The following RORB variants were observed in gnomAD, a reference collection of about 807,000 sequenced individuals.
RORB encodes the protein nuclear receptor ROR-beta.
A neutral mutation model predicts 59.1 loss-of-function variants in RORB; 6 were observed. That is an observed-to-expected ratio of 0.10 (90% CI 0.06 to 0.20). The LOEUF (loss-of-function observed/expected upper bound fraction) is 0.20. Ranked by LOEUF, RORB falls within the 10% of genes least tolerant of loss-of-function variation. The pLI is 1.00. For missense variants in RORB, 320 were observed against 560.5 expected (o/e 0.57, Z 4.33); for synonymous variants, 215 against 204.5 (o/e 1.05, Z -0.44).
chr9:74,645,569 T>C (rs1823882303), intron 4 of RORB, among the ~76,000 whole-genome samples: 1 of 152,180 alleles, frequency 6.6e-6, no homozygotes, highest in Admixed American at 6.5e-5. Flanking sequence ...ACAGTACCTA[T>C]CATATGTAAG....
chr9:74,503,920 C>T (rs779052946), intron 1 of RORB, among the ~76,000 whole-genome samples: 3 of 152,138 alleles, frequency 2.0e-5, no homozygotes, highest in Admixed American at 6.5e-5. Flanking sequence ...AGGGAAACCA[C>T]AGGTGTTATA....
intron 4 of RORB, among the ~76,000 whole-genome samples, chr9:74,657,211 AATTTATTTATTT>A (rs575383495): frequency 2.6e-5 from 4 of 151,794 alleles, no homozygotes; most frequent in Non-Finnish European, 5.9e-5. Flanking sequence ...ATGCCCAGCT[AATTTATTTATTT>A]ATTTATTTAT....
At chr9:74,574,555 A>C (rs966985443) in intron 1 of RORB, among the ~76,000 whole-genome samples, 1 of 152,110 alleles carries the variant, frequency 6.6e-6, no homozygotes, top group Non-Finnish European at 1.5e-5. Context: ...AAACATGGCT[A>C]TTTGTGTGTC....
At chr9:74,608,939 C>A (rs1262930139) in intron 1 of RORB, among the ~76,000 whole-genome samples, 5 of 152,164 alleles carry the variant, frequency 3.3e-5, no homozygotes, top group African/African-American at 4.8e-5. Flanking sequence ...TTTGCCAATA[C>A]AGATTTGACA....
Position 74,630,286 on chromosome 9 carries a change from A to T in RORB, c.12A>T (p.Gln4His). 6.2e-7 allele frequency: 1 copy of T among 1,613,256 alleles called. No individual in the cohort carries two copies. The highest frequency in any genetic ancestry group is 1.1e-5 in the South Asian group (1 of 90,992). ...ATGTCTGTTTTCTCCTTTCAGCACA[A>T]ATTGAAGTGATACCATGCAAAATTT... MRA[Q>H]IEVIPCKICG... is the part of the protein sequence containing the mutation. Residue 4 changes from glutamine (Q) to histidine (H), a missense_variant, in exon 2 of 10, where the codon CAA (glutamine) becomes CAT (histidine). Physicochemically the swap from Gln to His is conservative, Grantham distance 24. Transcript: ENST00000376896.
At chr9:74,572,408 G>A (rs1430050540) in intron 1 of RORB, among the ~76,000 whole-genome samples, 1 of 152,162 alleles carries the variant, frequency 6.6e-6, no homozygotes, top group East Asian at 1.9e-4. Flanking sequence ...TTAGATGACT[G>A]AGGAAATCTG....
intron 1 of RORB, among the ~76,000 whole-genome samples, chr9:74,514,449 A>G (rs1384574160): frequency 1.3e-5 from 2 of 151,970 alleles, no homozygotes; most frequent in Non-Finnish European, 2.9e-5. Context: ...TGTTCCAATA[A>G]AACTTTATTT....
chr9:74,560,254 C>T (rs997467425), intron 1 of RORB, among the ~76,000 whole-genome samples: 2 of 152,112 alleles, frequency 1.3e-5, no homozygotes, highest in East Asian at 1.9e-4. Flanking sequence ...TTGCAAGTCA[C>T]GACTTGAAAT....
chr9:74,687,260 C>T lies in RORB; in HGVS notation c.*1642C>T, dbSNP rs1220253513. On this transcript the variant is annotated 3_prime_UTR_variant, in exon 10 of 10. Coordinates refer to ENST00000376896, the MANE Select transcript of RORB (RefSeq NM_006914.4). ...TGGTCTCCTGTAAGTATATCCCAGC[C>T]ACCAACTCCTAAAGAACTGCCCTTT... The T allele has an allele frequency of 1.3e-5, 2 of 151,944 alleles. No individual in the cohort carries two copies. The highest frequency in any genetic ancestry group is 1.5e-5 in the Non-Finnish European group (1 of 67,952). 9.4% of individuals were successfully genotyped at this position (151,944 alleles called of 1,614,324 possible). A position where few individuals can be genotyped will look rare whatever the true frequency, so the allele number is the denominator to read the frequency against.
intron 1 of RORB, among the ~76,000 whole-genome samples, chr9:74,520,163 C>T (rs1461305090): frequency 1.3e-5 from 2 of 151,824 alleles, no homozygotes; most frequent in Admixed American, 1.3e-4. Flanking sequence ...AAAAAATCAG[C>T]GGCTTAACCA....
At chr9:74,514,742 C>A (rs1332601427) in intron 1 of RORB, among the ~76,000 whole-genome samples, 3 of 150,352 alleles carry the variant, frequency 2.0e-5, no homozygotes, top group Non-Finnish European at 3.0e-5. Context: ...TAAACCTCAT[C>A]GAACTTAGAT....
At chr9:74,591,955 A>T (rs927226179) in intron 1 of RORB, among the ~76,000 whole-genome samples, 6 of 152,136 alleles carry the variant, frequency 3.9e-5, no homozygotes, top group African/African-American at 1.4e-4. Flanking sequence ...AGAGAGAGAG[A>T]GACAGAGAGA....
chr9:74,599,744 G>A (rs1287541097), intron 1 of RORB, among the ~76,000 whole-genome samples: 1 of 152,156 alleles, frequency 6.6e-6, no homozygotes, highest in African/African-American at 2.4e-5. Flanking sequence ...GTCGTGGCAG[G>A]GCCAGAACTC....
At chr9:74,586,342 A>G (rs1490413367) in intron 1 of RORB, among the ~76,000 whole-genome samples, 2 of 151,954 alleles carry the variant, frequency 1.3e-5, no homozygotes, top group Non-Finnish European at 1.5e-5. Context: ...TACAAAATAT[A>G]CAAAAATTAG....
At chr9:74,572,018 T>G (rs777119351) in intron 1 of RORB, among the ~76,000 whole-genome samples, 1 of 152,114 alleles carries the variant, frequency 6.6e-6, no homozygotes, top group Non-Finnish European at 1.5e-5. Flanking sequence ...ACTTTCTTTC[T>G]CTACCTGGGG....
At chr9:74,631,932 A>G (rs931255912) in intron 2 of RORB, among the ~76,000 whole-genome samples, 5 of 152,228 alleles carry the variant, frequency 3.3e-5, no homozygotes, top group African/African-American at 1.2e-4. Context: ...CTTCATAAAC[A>G]GTAATAGTTT....
At chr9:74,661,789 CG>C (rs1195946027) in intron 5 of RORB, among the ~76,000 whole-genome samples, 2 of 135,466 alleles carry the variant, frequency 1.5e-5, no homozygotes, top group African/African-American at 6.5e-5. Flanking sequence ...GGACTACAGG[CG>C]CCCCCCCACC....
At position 74,560,101 on chromosome 9, in the gene RORB, G is replaced by A. The variant is rs965897; in HGVS notation, c.7+62118G>A. ...GAATTGGAGCATTTGTTTCCTCTAC[G>A]GTTTACCCATTTCTATTCACTATTC... On this transcript the variant is annotated intron_variant, in intron 1 of 9. Coordinates refer to ENST00000376896, the MANE Select transcript of RORB (RefSeq NM_006914.4). Among the ~76,000 whole-genome samples the A allele has an allele frequency of 6.3e-4, 95 of 151,886 alleles. No individual in the cohort carries two copies. The Middle Eastern group carries it at 0.01, about 16-fold the overall frequency.
intron 1 of RORB, among the ~76,000 whole-genome samples, chr9:74,549,444 A>T (rs1826555539): frequency 6.8e-6 from 1 of 146,076 alleles, no homozygotes; most frequent in Non-Finnish European, 1.5e-5. Context: ...ATTCCGTCAA[A>T]AAAAAAAAAA....
Sources: gnomAD v4.1 joint callset for allele counts (sites outside exome capture counted in the v4.1 genomes callset) on GRCh38, gnomAD v4.1.1 for gene constraint, MANE v1.5 for transcripts, NCBI Gene and HGNC (gene_info 2026-07-23, HGNC 2026-07-21) for gene names.